Variants in NACC2 observed in about 807,000 individuals in gnomAD.
NACC2 encodes nucleus accumbens-associated protein 2.
A neutral mutation model predicts 25.1 loss-of-function variants in NACC2; 8 were observed. The observed-to-expected ratio is 0.32, with a 90% CI of 0.19 to 0.57. The LOEUF (loss-of-function observed/expected upper bound fraction) is 0.57, where lower values mean the gene tolerates loss of function less well. Among genes scored for constraint, NACC2 ranks in the 20% least tolerant of loss-of-function variants. The pLI, the probability that NACC2 is intolerant of heterozygous loss-of-function variation, is 0.89. For synonymous variants in NACC2, 435 were observed against 294.7 expected (o/e 1.48, Z -4.88); for missense variants, 644 against 650.2 (o/e 0.99, Z 0.10).
chr9:136,020,149 C>T lies in NACC2; in HGVS notation c.887-3720G>A, dbSNP rs112870461. 9.2e-3 allele frequency among the ~76,000 whole-genome samples: 1,396 copies of T among 152,314 alleles called. 28 individuals are homozygous for T. The highest frequency in any genetic ancestry group is 0.032 in the African/African-American group (1,320 of 41,560). On this transcript the variant is annotated intron_variant, in intron 2 of 5. Transcript: ENST00000277554. This position sits in a 1 kb window ranked among gnomAD's most constrained non-coding sequence, Gnocchi z 4.7. ...CACGTAAAAGTCACTGCAACGGCCC[C>T]TCTCACGTCCACTTTACCACAATAA...
chr9:136,092,261 G>T (rs750042760), intron 1 of NACC2, among the ~76,000 whole-genome samples: 1 of 152,068 alleles, frequency 6.6e-6, no homozygotes, highest in Non-Finnish European at 1.5e-5. Flanking sequence ...GACCCAGGGA[G>T]CTGGGTCTGC....
chr9:136,074,246 C>T (rs1208903901), intron 1 of NACC2, among the ~76,000 whole-genome samples: 1 of 150,634 alleles, frequency 6.6e-6, no homozygotes, highest in African/African-American at 2.4e-5. Flanking sequence ...GTCAGGAGAT[C>T]CAGACCATCC....
intron 2 of NACC2, among the ~76,000 whole-genome samples, chr9:136,031,043 T>C (rs561693455): frequency 1.4e-4 from 21 of 152,342 alleles, no homozygotes; most frequent in South Asian, 1.2e-3. Flanking sequence ...AAATAGATTA[T>C]GTGAACTATT....
rs370069995 is a variant in NACC2, at chr9:136,011,828, C to A, written c.1452G>T (p.Pro484=). ...GCTCGAACACCTGTGCCGCGGCAGG[C>A]GGGAACTCGGGGTCGAGGGGCACGC... ...AASVPLDPEF[P]PAAAQVFEQR... Residue 484 remains proline (P), a synonymous_variant, in exon 6 of 6, where the codon CCG becomes CCT. Coordinates refer to ENST00000277554, the MANE Select transcript of NACC2 (RefSeq NM_144653.5). 12 of 1,565,594 alleles carry A rather than the reference C, an allele frequency of 7.7e-6. No individual in the cohort carries two copies. The highest frequency in any genetic ancestry group is 1.0e-5 in the Non-Finnish European group (12 of 1,158,436).
At chr9:136,076,481 C>T (rs1016208282) in intron 1 of NACC2, among the ~76,000 whole-genome samples, 1 of 152,114 alleles carries the variant, frequency 6.6e-6, no homozygotes, top group Non-Finnish European at 1.5e-5. Flanking sequence ...CACACGCGGG[C>T]ACAGAGCAGG....
At chr9:136,071,697 G>C (rs1235539303) in intron 1 of NACC2, among the ~76,000 whole-genome samples, 3 of 152,046 alleles carry the variant, frequency 2.0e-5, no homozygotes, top group African/African-American at 7.2e-5. Context: ...CTGATTTCAA[G>C]GCTTATTATA....
At chr9:136,051,079 C>CT (rs1313620102) in intron 1 of NACC2, among the ~76,000 whole-genome samples, 2 of 152,340 alleles carry the variant, frequency 1.3e-5, no homozygotes, top group Non-Finnish European at 2.9e-5. Flanking sequence ...TTGCGGTTTG[C>CT]TTTCCCTCTC....
intron 1 of NACC2, among the ~76,000 whole-genome samples, chr9:136,062,105 A>AATAGAGCGAG (rs1412137447): frequency 7.6e-5 from 11 of 144,816 alleles, no homozygotes; most frequent in African/African-American, 2.4e-4. Flanking sequence ...CAGCCTGGGC[A>AATAGAGCGAG]ACAGAGCGAG....
intron 2 of NACC2, among the ~76,000 whole-genome samples, chr9:136,042,971 C>T (rs898795760): frequency 6.6e-6 from 1 of 151,518 alleles, no homozygotes; most frequent in African/African-American, 2.4e-5. Context: ...CAGAGACACA[C>T]ACATAGACGC....
chr9:136,040,109 G>A (rs1211063956), intron 2 of NACC2, among the ~76,000 whole-genome samples: 2 of 152,164 alleles, frequency 1.3e-5, no homozygotes, highest in Non-Finnish European at 2.9e-5. Context: ...ACTTTGGGAG[G>A]CTGAGGCGGG....
At chr9:136,054,052 A>AC (rs1275622277) in intron 1 of NACC2, among the ~76,000 whole-genome samples, 1 of 152,178 alleles carries the variant, frequency 6.6e-6, no homozygotes, top group African/African-American at 2.4e-5. Flanking sequence ...GTTATGATTT[A>AC]CCCTCAGATG....
intron 2 of NACC2, among the ~76,000 whole-genome samples, chr9:136,032,033 GC>G (rs201142837): frequency 0.011 from 1,722 of 152,328 alleles, 41 homozygotes; most frequent in African/African-American, 0.04. Flanking sequence ...GGTGATCACT[GC>G]CCAGGTTTGA....
chr9:136,064,584 G>A (rs775258927), intron 1 of NACC2, among the ~76,000 whole-genome samples: 2 of 152,178 alleles, frequency 1.3e-5, no homozygotes, highest in Non-Finnish European at 2.9e-5. Context: ...ATATTCATGG[G>A]ATGGGAAGAC....
chr9:136,027,855 A>T (rs867607388), intron 2 of NACC2, among the ~76,000 whole-genome samples: 62 of 152,198 alleles, frequency 4.1e-4, no homozygotes, highest in African/African-American at 1.4e-3. Flanking sequence ...GAAATAAAAA[A>T]ATATATAAAT....
intron 1 of NACC2, among the ~76,000 whole-genome samples, chr9:136,092,587 G>A (rs962630878): frequency 6.6e-6 from 1 of 152,220 alleles, no homozygotes; most frequent in African/African-American, 2.4e-5. Context: ...ACCCTGAAGT[G>A]GAAGGTGGCC....
intron 1 of NACC2, among the ~76,000 whole-genome samples, chr9:136,094,930 C>T (rs1314520545): frequency 6.8e-6 from 1 of 147,822 alleles, no homozygotes; most frequent in Non-Finnish European, 1.5e-5. Flanking sequence ...CGTCCCGGCC[C>T]GGGGTCGCGG....
intron 1 of NACC2, among the ~76,000 whole-genome samples, chr9:136,063,527 T>C (rs1449138185): frequency 6.6e-6 from 1 of 152,186 alleles, no homozygotes; most frequent in African/African-American, 2.4e-5. Context: ...GACGAGCCTT[T>C]CCCTCCCATA....
rs1256524542 is a variant in NACC2 at position 136,055,994 on chromosome 9, AC to A, written c.-59-5415del. Among the ~76,000 whole-genome samples the A allele has an allele frequency of 6.6e-6, 1 of 152,118 alleles. No homozygotes were observed. The highest frequency in any genetic ancestry group is 1.9e-4 in the East Asian group (1 of 5,176). On this transcript the variant is annotated intron_variant, in intron 1 of 5. Transcript: ENST00000277554. This position sits in a 1 kb window ranked among gnomAD's most constrained non-coding sequence, Gnocchi z 4.9. ...CAGTCTGGGGGCTGCTACCCCGTGG[AC>A]CTTGCCCACCTCCGCGCAACGCCTT...
At chr9:136,035,589 A>G (rs1840538938) in intron 2 of NACC2, among the ~76,000 whole-genome samples, 5 of 152,226 alleles carry the variant, frequency 3.3e-5, no homozygotes, top group Admixed American at 2.6e-4. Context: ...TGCTCTAAAG[A>G]ACAATATTGA....
Sources: gnomAD v4.1 joint callset for allele counts (sites outside exome capture counted in the v4.1 genomes callset) on GRCh38, gnomAD v4.1.1 for gene constraint, Gnocchi (gnomAD v3.1) non-coding constraint, MANE v1.5 for transcripts, NCBI Gene and HGNC (gene_info 2026-07-23, HGNC 2026-07-21) for gene names.